The following CYP19A1 variants were observed in gnomAD, a reference collection of about 807,000 sequenced individuals.
CYP19A1 encodes the protein aromatase.
CYP19A1 carries 32 observed loss-of-function variants against 44.4 expected under a neutral mutation model. The observed-to-expected ratio is 0.72, with a 90% CI of 0.54 to 0.97. CYP19A1 has a LOEUF of 0.97. CYP19A1 is among the 50% of genes least tolerant of loss of function. The pLI is 0.00. For missense variants in CYP19A1, 598 were observed against 637.8 expected, an observed-to-expected ratio of 0.94 and a Z score of 0.67; for synonymous variants, 212 against 215.6, an observed-to-expected ratio of 0.98 and a Z score of 0.14.
Position 51,284,954 on chromosome 15 carries a change from T to C in CYP19A1, c.-38-42004A>G, listed in dbSNP as rs576257568. Among the ~76,000 whole-genome samples the C allele has an allele frequency of 2.6e-5, 4 of 152,280 alleles. No individual in the cohort carries two copies. The South Asian group carries it at 8.3e-4, about 32-fold the overall frequency. ...AAATTGAAGGTTTGAGAAGCCTCCA[T>C]TTGCTTTCTCTGTGCCTTCTATTAG... On this transcript the variant is annotated intron_variant, in intron 1 of 9. Transcript: ENST00000396402.
chr15:51,223,020 T>G (rs1004240375), intron 4 of CYP19A1, among the ~76,000 whole-genome samples: 1 of 152,176 alleles, frequency 6.6e-6, no homozygotes, highest in Non-Finnish European at 1.5e-5. Flanking sequence ...TGTTTAAGTG[T>G]AAAAGGCTAG....
intron 1 of CYP19A1, among the ~76,000 whole-genome samples, chr15:51,295,835 C>T (rs1002423693): frequency 2.0e-5 from 3 of 152,008 alleles, no homozygotes; most frequent in African/African-American, 7.3e-5. Context: ...CCTGGCAGCA[C>T]GGAGGTCTGT....
chr15:51,274,936 G>T (rs1466646777), intron 1 of CYP19A1, among the ~76,000 whole-genome samples: 3 of 152,134 alleles, frequency 2.0e-5, no homozygotes, highest in Admixed American at 6.5e-5. Flanking sequence ...TTTCTCTATT[G>T]TCATCTCACC....
chr15:51,310,196 T>C (rs1385693574), intron 1 of CYP19A1, among the ~76,000 whole-genome samples: 2 of 152,178 alleles, frequency 1.3e-5, no homozygotes. Flanking sequence ...CCTCACTGAT[T>C]ACAACCAAAC....
At chr15:51,291,275 T>C (rs56858680) in intron 1 of CYP19A1, among the ~76,000 whole-genome samples, 2 of 151,974 alleles carry the variant, frequency 1.3e-5, no homozygotes, top group Admixed American at 1.3e-4. Context: ...CCAGATGACA[T>C]CCCTTAATAT....
intron 3 of CYP19A1, among the ~76,000 whole-genome samples, chr15:51,228,711 A>C (rs1430635828): frequency 6.6e-6 from 1 of 152,228 alleles, no homozygotes; most frequent in African/African-American, 2.4e-5. Context: ...CAATTATGCA[A>C]ATTCAAGATG....
Position 51,242,940 on chromosome 15 carries a change from A to G in CYP19A1, c.-28T>C, listed in dbSNP as rs1340491081. ...TGTGTTCCTTGACCTCAGAGGGGGC[A>G]ATTTAGAGTCCTGTGGAAATCAAAG... is the stretch of plus-strand genomic sequence containing the variant. On this transcript the variant is annotated 5_prime_UTR_variant, in exon 2 of 10. Transcript: ENST00000396402. The G allele has an allele frequency of 6.4e-7, 1 of 1,557,814 alleles. No individual in the cohort carries two copies. The highest frequency in any genetic ancestry group is 1.1e-5 in the South Asian group (1 of 89,998).
At chr15:51,317,104 C>CT (rs201343947) in intron 1 of CYP19A1, among the ~76,000 whole-genome samples, 1,405 of 138,498 alleles carry the variant, frequency 0.01, 19 homozygotes, top group Non-Finnish European at 9.6e-3. Flanking sequence ...AAAATCACTT[C>CT]TTTTTTTTTT....
chr15:51,299,868 C>T (rs1482626584), intron 1 of CYP19A1, among the ~76,000 whole-genome samples: 2 of 152,176 alleles, frequency 1.3e-5, no homozygotes, highest in Admixed American at 6.5e-5. Flanking sequence ...GCACACTGAC[C>T]TCCCACTGGA....
At chr15:51,289,772 T>C (rs1015199633) in intron 1 of CYP19A1, among the ~76,000 whole-genome samples, 1 of 152,138 alleles carries the variant, frequency 6.6e-6, no homozygotes, top group Non-Finnish European at 1.5e-5. Context: ...GTGAAGGGAA[T>C]TTTTAATATT....
Position 51,228,008 on chromosome 15 carries a change from G to A in CYP19A1, c.297-75C>T, listed in dbSNP as rs372059801. 464 of 827,208 alleles carry A rather than the reference G, an allele frequency of 5.6e-4. 28 individuals carry two copies. Among genetic ancestry groups the A allele is most frequent in the South Asian group, 5.5e-3 (413 of 75,100 alleles). The allele number at this position is 827,208 out of a possible 1,614,324, so 51.2% of individuals were successfully genotyped here. ...CCTGGTGGTACATTTTGACTAGGAG[G>A]TAGCTCTCTTAGCAAATGCATGTTG... On this transcript the variant is annotated intron_variant, in intron 3 of 9. Transcript: ENST00000396402.
chr15:51,299,316 T>C (rs1453185371), intron 1 of CYP19A1, among the ~76,000 whole-genome samples: 3 of 152,214 alleles, frequency 2.0e-5, no homozygotes, highest in Non-Finnish European at 4.4e-5. Flanking sequence ...TGTTTTGGCC[T>C]TCTGGTCCTG....
intron 8 of CYP19A1, among the ~76,000 whole-genome samples, chr15:51,212,858 G>A (rs967813834): frequency 2.0e-5 from 3 of 152,160 alleles, no homozygotes; most frequent in Non-Finnish European, 4.4e-5. Flanking sequence ...GCAATAATGG[G>A]CTGACGCTGA....
intron 1 of CYP19A1, among the ~76,000 whole-genome samples, chr15:51,335,764 C>A (rs889953210): frequency 1.3e-5 from 2 of 152,138 alleles, no homozygotes; most frequent in African/African-American, 4.8e-5. Context: ...CTCCCCATCC[C>A]ACACACACGT....
chr15:51,252,637 C>T lies in CYP19A1; in HGVS notation c.-38-9687G>A, dbSNP rs78847627. 7.6e-3 allele frequency among the ~76,000 whole-genome samples: 1,158 copies of T among 152,304 alleles called. 8 individuals are homozygous for T. The highest frequency in any genetic ancestry group is 0.013 in the Non-Finnish European group (918 of 68,026). ...TCAGACTGACAGACTCACACTGTGG[C>T]CCTGAAGAGGGCATCAAGGCTCATG... On this transcript the variant is annotated intron_variant, in intron 1 of 9. Transcript: ENST00000396402.
At chr15:51,215,340 A>C (rs775146395) in intron 7 of CYP19A1, 108 bp from the exon 8 acceptor site, 2 of 1,513,998 alleles carry the variant, frequency 1.3e-6, no homozygotes, top group Non-Finnish European at 1.8e-6. Flanking sequence ...GAAATCATAG[A>C]AACCACATGT....
chr15:51,290,393 A>G (rs2035814871), intron 1 of CYP19A1, among the ~76,000 whole-genome samples: 1 of 152,226 alleles, frequency 6.6e-6, no homozygotes, highest in Non-Finnish European at 1.5e-5. Flanking sequence ...TTCTGACCAC[A>G]TGATAACAGT....
chr15:51,269,251 C>A (rs147310867), intron 1 of CYP19A1, among the ~76,000 whole-genome samples: 78 of 152,154 alleles, frequency 5.1e-4, no homozygotes, highest in African/African-American at 1.8e-3. Context: ...ATGGATATAT[C>A]CAGCACCGTT....
intron 1 of CYP19A1, among the ~76,000 whole-genome samples, chr15:51,337,582 C>T (rs1462780901): frequency 6.6e-6 from 1 of 152,200 alleles, no homozygotes; most frequent in African/African-American, 2.4e-5. Context: ...GCTTGTAGAG[C>T]TCACAGTGCT....
Sources: gnomAD v4.1 joint callset for allele counts (sites outside exome capture counted in the v4.1 genomes callset) on GRCh38, gnomAD v4.1.1 for gene constraint, MANE v1.5 for transcripts, NCBI Gene and HGNC (gene_info 2026-07-23, HGNC 2026-07-21) for gene names.